Variants in SNX32 observed in about 807,000 individuals in gnomAD.
SNX32 encodes the protein sorting nexin 32, also known as sorting nexin-32.
A neutral mutation model predicts 57.0 loss-of-function variants in SNX32; 58 were observed. The observed-to-expected ratio is 1.02, with a 90% CI of 0.82 to 1.27. The LOEUF is 1.27. Ranked by LOEUF, SNX32 falls within the 50% of genes most tolerant of loss-of-function variation. SNX32 has a pLI of 0.00. For missense variants in SNX32, 589 were observed against 541.2 expected (o/e 1.09, Z -0.88); for synonymous variants, 262 against 220.4 (o/e 1.19, Z -1.67).
chr11:65,838,054 G>A (rs1266381020), intron 1 of SNX32, among the ~76,000 whole-genome samples: 1 of 152,076 alleles, frequency 6.6e-6, no homozygotes, highest in Non-Finnish European at 1.5e-5. Context: ...TACTCGGGAG[G>A]CTGAGGTAGG....
chr11:65,833,978 C>T lies in SNX32; in HGVS notation c.-88C>T, dbSNP rs1858573729. 8 of 1,452,624 alleles carry T rather than the reference C, an allele frequency of 5.5e-6. No homozygotes were observed. The Admixed American group carries it at 1.2e-4, about 22-fold the overall frequency. 90.0% of individuals were successfully genotyped at this position (1,452,624 alleles called of 1,614,324 possible). ...GAGCGTCCCCGTCAGCTGAGAGCAT[C>T]CTCACTCGGTCAGTTCCTCGGGCGA... On this transcript the variant is annotated 5_prime_UTR_variant, in exon 1 of 13. Coordinates refer to ENST00000308342, the MANE Select transcript of SNX32 (RefSeq NM_152760.3).
intron 1 of SNX32, among the ~76,000 whole-genome samples, chr11:65,840,158 A>G (rs1468926092): frequency 2.6e-5 from 4 of 152,164 alleles, no homozygotes; most frequent in Non-Finnish European, 4.4e-5. Context: ...TCTGTCTCCA[A>G]AAAAATAAAT....
chr11:65,852,346 C>A, intron 9 of SNX32, 119 bp from the exon 10 acceptor site: 2 of 888,154 alleles, frequency 2.3e-6, no homozygotes, highest in East Asian at 2.4e-5. Flanking sequence ...CAACACCAGA[C>A]CTGACCTGGA....
intron 1 of SNX32, among the ~76,000 whole-genome samples, chr11:65,837,132 A>G (rs1387443898): frequency 6.6e-6 from 1 of 152,174 alleles, no homozygotes; most frequent in Non-Finnish European, 1.5e-5. Context: ...CCAAAAGAGG[A>G]CAAGAAAGAA....
chr11:65,849,384 AAG>A, intron 1 of SNX32, 92 bp from the exon 2 acceptor site: 2 of 915,976 alleles, frequency 2.2e-6, no homozygotes, highest in Non-Finnish European at 3.4e-6. Flanking sequence ...AGTGCTGCTG[AAG>A]AGGGTTCTGC....
intron 1 of SNX32, among the ~76,000 whole-genome samples, chr11:65,847,014 G>GAT (rs1859018691): frequency 7.0e-6 from 1 of 142,448 alleles, no homozygotes; most frequent in Non-Finnish European, 1.5e-5. Context: ...AGTTTTTTTT[G>GAT]TTTTTTTTTT....
At chr11:65,851,748 G>T in intron 9 of SNX32, 69 bp downstream of exon 9, 1 of 1,539,538 alleles carries the variant, frequency 6.5e-7, no homozygotes, top group South Asian at 1.1e-5. Flanking sequence ...TCCTGGCAGA[G>T]GGAAGAGCTC....
chr11:65,835,813 A>G (rs537296488), intron 1 of SNX32: 1 of 152,332 alleles, frequency 6.6e-6, no homozygotes, highest in Non-Finnish European at 1.5e-5. Flanking sequence ...AGAAGCCAAG[A>G]AATGAGGAGC....
chr11:65,846,341 G>A (rs1039073093), intron 1 of SNX32, among the ~76,000 whole-genome samples: 20 of 151,794 alleles, frequency 1.3e-4, no homozygotes, highest in South Asian at 2.1e-4. Context: ...AGGCCGAGGC[G>A]GGCGGATCAC....
Position 65,849,533 on chromosome 11 carries a change from C to T in SNX32, c.92C>T (p.Ser31Phe). 3 of 1,614,194 alleles carry T rather than the reference C, an allele frequency of 1.9e-6. No individual in the cohort carries two copies. Among genetic ancestry groups the T allele is most frequent in the Non-Finnish European group, 2.5e-6 (3 of 1,179,998 alleles). The change falls in exon 2 of 13, where the codon TCT becomes TTT. Residue 31 changes from serine to phenylalanine, a missense_variant. Ser to Phe is a radical substitution (Grantham distance 155). Transcript: ENST00000308342. The stretch of plus-strand genomic sequence containing the variant: ...GACAGCTCCTTACAGGTGGAGATTT[C>T]TGACGCAGTGAGTGAGCGGGACAAG... ...QGDSSLQVEI[S>F]DAVSERDKVK...
Position 65,853,395 on chromosome 11 carries a change from C to G in SNX32, c.*60C>G. 1 of 1,534,456 alleles carries G rather than the reference C, an allele frequency of 6.5e-7. No homozygotes were observed. Among genetic ancestry groups the G allele is most frequent in the East Asian group, 2.2e-5 (1 of 44,522 alleles). ...TCTCCAGTGACCAGGGTATCCCAGACCCCTCTCTCCGGCAAGATGTCTCCT... is the reference window on the plus strand; with the variant it reads ...TCTCCAGTGACCAGGGTATCCCAGAGCCCTCTCTCCGGCAAGATGTCTCCT... On this transcript the variant is annotated 3_prime_UTR_variant, in exon 13 of 13. Transcript: ENST00000308342.
intron 1 of SNX32, among the ~76,000 whole-genome samples, chr11:65,837,835 A>AAAG: frequency 6.6e-6 from 1 of 151,120 alleles, no homozygotes; most frequent in African/African-American, 2.4e-5. Flanking sequence ...AAAAAAAAAA[A>AAAG]AACGAAGAAG....
chr11:65,841,003 T>C (rs568166135), intron 1 of SNX32, among the ~76,000 whole-genome samples: 1 of 152,090 alleles, frequency 6.6e-6, no homozygotes, highest in East Asian at 1.9e-4. Flanking sequence ...TGGAGTGCAA[T>C]GGTGCGATCT....
chr11:65,835,374 A>AG (rs1344054440), intron 1 of SNX32: 1 of 151,974 alleles, frequency 6.6e-6, no homozygotes, highest in East Asian at 1.9e-4. Flanking sequence ...GCAGGATGTT[A>AG]GGGATTGAGC....
rs1859171416 is a variant in SNX32 at position 65,851,069 on chromosome 11, CTTT to C, written c.619_621del (p.Phe207del). On this transcript the variant is annotated inframe_deletion, in exon 7 of 13. Transcript: ENST00000308342. ...GGCTCCCTTAGGAGGTGGATGACTT[CTTT>C]GAGCATGAGAGGACCTTCCTGTTGG... The C allele has an allele frequency of 1.2e-6, 2 of 1,613,998 alleles. No individual in the cohort carries two copies. The highest frequency in any genetic ancestry group is 1.1e-5 in the South Asian group (1 of 91,088).
chr11:65,839,215 A>ATTTT lies in SNX32; in HGVS notation c.36+5118_36+5121dup, dbSNP rs1555032605. 7.7e-3 allele frequency among the ~76,000 whole-genome samples: 151 copies of ATTTT among 19,490 alleles called. 2 individuals are homozygous for ATTTT. Among genetic ancestry groups the ATTTT allele is most frequent in the Non-Finnish European group, 0.013 (108 of 8,348 alleles). 12.8% of individuals were successfully genotyped at this position (19,490 alleles called of 152,430 possible). A position where few individuals can be genotyped will look rare whatever the true frequency, so the allele number is the denominator to read the frequency against. ...AGCTGTGCCCCACCACGCCCAGCTA[A>ATTTT]TTTTTTTGTATTTTTTTTTTTTTTT... On this transcript the variant is annotated intron_variant, in intron 1 of 12. Coordinates refer to ENST00000308342, the MANE Select transcript of SNX32 (RefSeq NM_152760.3).
chr11:65,850,234 C>G lies in SNX32; in HGVS notation c.337C>G (p.Arg113Gly), dbSNP rs752399284. The change falls in exon 4 of 13, where the codon CGG (arginine) becomes GGG (glycine). Residue 113 changes from arginine (R) to glycine (G), a missense_variant. Coordinates refer to ENST00000308342, the MANE Select transcript of SNX32 (RefSeq NM_152760.3). The part of the protein sequence containing the change: ...KLGEGDSSVT[R>G]EEFAKMKQEL... ...GGGCGAGGGGGACAGCTCTGTCACTCGGGAAGAGTTTGCCAAGATGAAGCA... is the reference window on the plus strand; with the variant it reads ...GGGCGAGGGGGACAGCTCTGTCACTGGGGAAGAGTTTGCCAAGATGAAGCA... 1 of 1,614,194 alleles carries G rather than the reference C, an allele frequency of 6.2e-7. No homozygotes were observed. Among genetic ancestry groups the G allele is most frequent in the Non-Finnish European group, 8.5e-7 (1 of 1,180,036 alleles).
At chr11:65,837,446 T>G (rs1858697894) in intron 1 of SNX32, among the ~76,000 whole-genome samples, 1 of 152,076 alleles carries the variant, frequency 6.6e-6, no homozygotes, top group Admixed American at 6.6e-5. Context: ...CAGGATTGTT[T>G]GAGGTTACAG....
At chr11:65,837,622 C>A (rs1858701951) in intron 1 of SNX32, among the ~76,000 whole-genome samples, 1 of 151,876 alleles carries the variant, frequency 6.6e-6, no homozygotes, top group Non-Finnish European at 1.5e-5. Context: ...GAGTTCGAGA[C>A]CAGCCTGGCC....
Sources: allele counts gnomAD v4.1 joint callset (sites outside exome capture counted in the v4.1 genomes callset), GRCh38; gene constraint gnomAD v4.1.1; transcripts MANE v1.5; gene names NCBI Gene and HGNC (gene_info 2026-07-23, HGNC 2026-07-21).